Variants in GRIP2 observed in about 807,000 individuals in gnomAD.
GRIP2 encodes glutamate receptor interacting protein 2.
In GRIP2, 58 loss-of-function variants were observed where a neutral mutation model predicts 108.3. The ratio of observed to expected loss-of-function variants is 0.54; its 90% CI spans 0.43 to 0.67. The LOEUF is 0.67. Among genes scored for constraint, GRIP2 ranks in the 30% least tolerant of loss-of-function variants. The probability of loss-of-function intolerance (pLI) is 0.00; values close to 1 mark genes in which losing one functional copy is unlikely to be tolerated. For missense variants in GRIP2, 1,278 were observed against 1,430.6 expected, an observed-to-expected ratio of 0.89 and a Z score of 1.72; for synonymous variants, 586 against 598.2, an observed-to-expected ratio of 0.98 and a Z score of 0.30.
At chr3:14,574,598 C>T in the GRIP2 span, 538,257 of 700,484 alleles carry the variant, frequency 0.77, 210,953 homozygotes, top group South Asian at 0.87. Flanking sequence ...ATGTGGACAG[C>T]TCTTCATGGA....
chr3:14,557,421 G>A (rs560568690), upstream of GRIP2, among the ~76,000 whole-genome samples: 11 of 152,342 alleles, frequency 7.2e-5, no homozygotes, highest in African/African-American at 2.4e-4. Flanking sequence ...AGGCCCCACA[G>A]TACATGGATT....
At chr3:14,508,261 T>C (rs1015139501) in intron 17 of GRIP2, among the ~76,000 whole-genome samples, 1 of 152,220 alleles carries the variant, frequency 6.6e-6, no homozygotes, top group African/African-American at 2.4e-5. Context: ...GCGGCAGCAC[T>C]GCTGTGGCCC....
At chr3:14,496,625 A>G in intron 21 of GRIP2, 65 bp from the exon 22 acceptor site, 2 of 1,540,640 alleles carry the variant, frequency 1.3e-6, no homozygotes, top group Admixed American at 1.8e-5. Context: ...GTCAGCATCC[A>G]CTGACAACTA....
At chr3:14,504,696 G>A (rs1215827907) in intron 20 of GRIP2, among the ~76,000 whole-genome samples, 1 of 152,138 alleles carries the variant, frequency 6.6e-6, no homozygotes, top group African/African-American at 2.4e-5. Context: ...CCCTTTCCAT[G>A]TAACAGATGA....
intron 17 of GRIP2, among the ~76,000 whole-genome samples, chr3:14,508,357 A>T (rs1693987804): frequency 6.6e-6 from 1 of 152,216 alleles, no homozygotes; most frequent in African/African-American, 2.4e-5. Flanking sequence ...CTGACCAATT[A>T]AATAGTACCT....
chr3:14,541,299 C>T (rs1025175288), upstream of GRIP2, among the ~76,000 whole-genome samples: 1 of 152,194 alleles, frequency 6.6e-6, no homozygotes. Context: ...TGACAGGGCA[C>T]TGAATGGTGG....
chr3:14,506,146 G>A (rs939554296), intron 19 of GRIP2, among the ~76,000 whole-genome samples: 2 of 152,234 alleles, frequency 1.3e-5, no homozygotes, highest in South Asian at 4.1e-4. Flanking sequence ...AGCTGGAGAT[G>A]GGGAAGCTGA....
the GRIP2 span, among the ~76,000 whole-genome samples, chr3:14,599,589 G>A: frequency 6.6e-5 from 10 of 151,774 alleles, no homozygotes; most frequent in African/African-American, 2.4e-4. Context: ...GGGGGAGTTG[G>A]AAAGGGGTCC....
the GRIP2 span, among the ~76,000 whole-genome samples, chr3:14,566,479 G>T: frequency 1.3e-5 from 2 of 152,230 alleles, no homozygotes; most frequent in Non-Finnish European, 2.9e-5. Flanking sequence ...GCTGTGGTCT[G>T]GCCACAGGCC....
At chr3:14,518,732 C>T (rs554702773) in intron 9 of GRIP2, among the ~76,000 whole-genome samples, 4 of 152,352 alleles carry the variant, frequency 2.6e-5, no homozygotes, top group Non-Finnish European at 5.9e-5. Context: ...CTCCCCAGGG[C>T]TTGGCCCACT....
chr3:14,569,916 C>T, the GRIP2 span, among the ~76,000 whole-genome samples: 1 of 152,074 alleles, frequency 6.6e-6, no homozygotes, highest in East Asian at 1.9e-4. Context: ...TATATGAACT[C>T]ATTTAACTCT....
chr3:14,500,675 A>C (rs1693740389), intron 21 of GRIP2, among the ~76,000 whole-genome samples: 1 of 152,280 alleles, frequency 6.6e-6, no homozygotes, highest in South Asian at 2.1e-4. Flanking sequence ...TTGATTAGAA[A>C]AAAATAAATA....
chr3:14,557,639 C>T (rs972909744), upstream of GRIP2, among the ~76,000 whole-genome samples: 1 of 152,260 alleles, frequency 6.6e-6, no homozygotes, highest in African/African-American at 2.4e-5. Flanking sequence ...CATCACCCAG[C>T]TCCTTCTCGA....
At chr3:14,598,865 G>A in the GRIP2 span, among the ~76,000 whole-genome samples, 1 of 152,066 alleles carries the variant, frequency 6.6e-6, no homozygotes, top group African/African-American at 2.4e-5. Context: ...CCCTCCGCCT[G>A]CCTTGCTTTT....
the GRIP2 span, among the ~76,000 whole-genome samples, chr3:14,567,019 CACTTGAAT>C: frequency 6.6e-6 from 1 of 150,924 alleles, no homozygotes; most frequent in African/African-American, 2.4e-5. Flanking sequence ...CCAAAGGACT[CACTTGAAT>C]GAATGAATGA....
intron 1 of GRIP2, among the ~76,000 whole-genome samples, chr3:14,554,704 G>C (rs1291385645): frequency 2.0e-5 from 3 of 147,776 alleles, no homozygotes; most frequent in Non-Finnish European, 4.5e-5. Context: ...AGGCACCTCA[G>C]AGTCTGGAAA....
At chr3:14,555,029 A>G (rs2124984977) in intron 1 of GRIP2, among the ~76,000 whole-genome samples, 1 of 152,180 alleles carries the variant, frequency 6.6e-6, no homozygotes, top group East Asian at 1.9e-4. Context: ...ACATGGCAGC[A>G]AAGGTGAAGC....
the GRIP2 span, among the ~76,000 whole-genome samples, chr3:14,579,667 T>C: frequency 3.4e-5 from 3 of 87,586 alleles, no homozygotes; most frequent in African/African-American, 1.3e-4. Flanking sequence ...AGGCTGGCGT[T>C]CAGTCTCCCG....
Position 14,505,219 on chromosome 3 carries a change from G to C in GRIP2, c.2573+396C>G, listed in dbSNP as rs1693884668. 6.6e-6 allele frequency among the ~76,000 whole-genome samples: 1 copy of C among 152,196 alleles called. No individual in the cohort carries two copies. The highest frequency in any genetic ancestry group is 1.5e-5 in the Non-Finnish European group (1 of 68,034). ...CTCTCTGCAGGAGCCTTCTCCAGCG[G>C]CTCAGCCACTCGGCACAGCCCAGGG... is the stretch of plus-strand genomic sequence containing the variant. On this transcript the variant is annotated intron_variant, in intron 20 of 23. Transcript: ENST00000621039. The surrounding 1 kb of genome is among the most constrained non-coding windows in gnomAD (Gnocchi z 4.2).
Sources: gnomAD v4.1 joint callset for allele counts (sites outside exome capture counted in the v4.1 genomes callset) on GRCh38, gnomAD v4.1.1 for gene constraint, Gnocchi (gnomAD v3.1) non-coding constraint, MANE v1.5 for transcripts, NCBI Gene and HGNC (gene_info 2026-07-23, HGNC 2026-07-21) for gene names.